The following TACC2 variants were observed in gnomAD, a reference collection of about 807,000 sequenced individuals.
The protein encoded by TACC2 is transforming acidic coiled-coil-containing protein 2.
In TACC2, 137 loss-of-function variants were observed where a neutral mutation model predicts 227.3. That is an observed-to-expected ratio of 0.60 (90% CI 0.52 to 0.69). TACC2 has a LOEUF of 0.69. Ranked by LOEUF, TACC2 falls within the 30% of genes least tolerant of loss-of-function variation. TACC2 has a pLI of 0.00. For synonymous variants in TACC2, 1,523 were observed against 1,487.5 expected, an observed-to-expected ratio of 1.02 and a Z score of -0.55; for missense variants, 3,470 against 3,694.4, an observed-to-expected ratio of 0.94 and a Z score of 1.57.
Position 122,249,674 on chromosome 10 carries a change from G to T in TACC2, c.8781+10G>T. ...GACGCTGGAGCAGAAGGTAATAGGG[G>T]AGGGGTGTGGCCTCCAGGTGGGCCG... On this transcript the variant is annotated intron_variant, in intron 22 of 22. Transcript: ENST00000369005. 6.2e-7 allele frequency: 1 copy of T among 1,609,148 alleles called. No individual in the cohort carries two copies. Among genetic ancestry groups the T allele is most frequent in the South Asian group, 1.1e-5 (1 of 90,696 alleles).
intron 7 of TACC2, among the ~76,000 whole-genome samples, chr10:122,175,352 GATA>G (rs1489174715): frequency 6.6e-6 from 1 of 152,138 alleles, no homozygotes; most frequent in East Asian, 1.9e-4. Context: ...TGTGGGAAAG[GATA>G]CATTGGTTAA....
chr10:122,078,122 G>C (rs767188350), intron 3 of TACC2, among the ~76,000 whole-genome samples: 4 of 149,348 alleles, frequency 2.7e-5, no homozygotes, highest in Non-Finnish European at 4.4e-5. Flanking sequence ...TTGAACTCAG[G>C]AGGTGGAGGT....
In TACC2 at chr10:122,194,921, T is replaced by C; in HGVS notation, c.5835-119T>C. 3 of 1,011,364 alleles carry C rather than the reference T, an allele frequency of 3.0e-6. No homozygotes were observed. Among genetic ancestry groups the C allele is most frequent in the Non-Finnish European group, 4.4e-6 (3 of 676,878 alleles). 62.6% of individuals were successfully genotyped at this position (1,011,364 alleles called of 1,614,324 possible). On this transcript the variant is annotated intron_variant, in intron 7 of 22. Transcript: ENST00000369005. The surrounding 1 kb of genome is among the most constrained non-coding windows in gnomAD (Gnocchi z 4.4). ...AAATGACTTTCCTCTCATCTGTCCC[T>C]GCACAGTTTAACTGAGCAGCGAGCC... is the stretch of plus-strand genomic sequence containing the variant.
At chr10:122,077,913 G>C (rs1399426762) in intron 3 of TACC2, among the ~76,000 whole-genome samples, 4 of 152,114 alleles carry the variant, frequency 2.6e-5, no homozygotes, top group Admixed American at 1.3e-4. Flanking sequence ...AAAGTGCCCA[G>C]GCCAGGCTCA....
intron 5 of TACC2, among the ~76,000 whole-genome samples, chr10:122,107,391 C>T (rs2082940255): frequency 6.6e-6 from 1 of 152,040 alleles, no homozygotes; most frequent in Non-Finnish European, 1.5e-5. Context: ...GAGTTCGAGA[C>T]CAGCCTGGCC....
intron 12 of TACC2, 36 bp downstream of exon 12, chr10:122,224,823 G>A (rs925745621): frequency 7.6e-6 from 12 of 1,575,320 alleles, no homozygotes; most frequent in East Asian, 6.7e-5. Flanking sequence ...TAGGGGACTC[G>A]CTTTCCTGCC....
In TACC2 at chr10:122,050,436, A is replaced by G. The variant is rs1259934977; in HGVS notation, c.34-2A>G. ...TTCCAATTTCTTTTTCTCCTGGCTC[A>G]GAGGACTTTATCAGCTCAGACTCCA... On this transcript the variant is annotated splice_acceptor_variant, in intron 2 of 22. Coordinates refer to ENST00000369005, the MANE Select transcript of TACC2 (RefSeq NM_206862.4). LOFTEE classifies it high-confidence loss of function. The surrounding 1 kb of genome is among the most constrained non-coding windows in gnomAD (Gnocchi z 4.6). 9.3e-6 allele frequency: 15 copies of G among 1,612,120 alleles called. No homozygotes were observed. Among genetic ancestry groups the G allele is most frequent in the East Asian group, 2.2e-5 (1 of 44,858 alleles).
rs1178728811 is a variant in TACC2 at position 122,025,580 on chromosome 10, A to AT, written c.33+3577dup. ...CCGGCCTATTATTTTTATTTATTTT[A>AT]TTTTTTTTTTTGAGATGGAGTCTTG... On this transcript the variant is annotated intron_variant, in intron 2 of 22. Transcript: ENST00000369005. Among the ~76,000 whole-genome samples, 592 of 84,692 alleles carry AT rather than the reference A, an allele frequency of 7.0e-3. 3 individuals are homozygous for AT. Among genetic ancestry groups the AT allele is most frequent in the African/African-American group, 0.023 (544 of 24,138 alleles). The allele number at this position is 84,692 out of a possible 152,430, so 55.6% of individuals were successfully genotyped here. A position where few individuals can be genotyped will look rare whatever the true frequency, so the allele number is the denominator to read the frequency against.
rs1363194500 is a variant in TACC2, at chr10:122,203,732, C to T, written c.5972-6665C>T. 1.8e-4 allele frequency among the ~76,000 whole-genome samples: 27 copies of T among 151,890 alleles called. No individual in the cohort carries two copies. In the East Asian group the frequency reaches 4.9e-3, roughly 28 times the overall value. On this transcript the variant is annotated intron_variant, in intron 8 of 22. Coordinates refer to ENST00000369005, the MANE Select transcript of TACC2 (RefSeq NM_206862.4). ...CAGTCGATGGGCGGCCAGGCAGAGA[C>T]GCTCCTCACTTCCCAGACGGGGTGG...
intron 3 of TACC2, among the ~76,000 whole-genome samples, chr10:122,072,947 A>G (rs909159960): frequency 6.6e-6 from 1 of 151,528 alleles, no homozygotes. Context: ...CCCTGACTCT[A>G]CTAAAAATAC....
intron 7 of TACC2, among the ~76,000 whole-genome samples, chr10:122,182,255 T>A (rs572436287): frequency 1.3e-5 from 2 of 152,230 alleles, no homozygotes; most frequent in African/African-American, 4.8e-5. Flanking sequence ...AATTTTTGGA[T>A]GCGTGAAATA....
chr10:122,195,442 C>A (rs1239698551), intron 8 of TACC2, among the ~76,000 whole-genome samples: 1 of 152,168 alleles, frequency 6.6e-6, no homozygotes, highest in Non-Finnish European at 1.5e-5. Flanking sequence ...CTCGGAAGTT[C>A]ACAGCACAGT....
chr10:122,060,532 A>G (rs2076677102), intron 3 of TACC2, among the ~76,000 whole-genome samples: 1 of 152,232 alleles, frequency 6.6e-6, no homozygotes, highest in African/African-American at 2.4e-5. Context: ...TGTACTATCT[A>G]AGGCTCTTTT....
rs957901458 is a variant in TACC2, at chr10:122,050,308, T to C, written c.34-130T>C. On this transcript the variant is annotated intron_variant, in intron 2 of 22. Transcript: ENST00000369005. This position sits in a 1 kb window ranked among gnomAD's most constrained non-coding sequence, Gnocchi z 4.6. The stretch of plus-strand genomic sequence containing the variant: ...CTCAGTGCCGCACATAGTAGGTGTT[T>C]CGTTGGACGGCAGAGCAAGTGAACA... 7.1e-6 allele frequency: 5 copies of C among 700,786 alleles called. No individual in the cohort carries two copies. The highest frequency in any genetic ancestry group is 2.5e-5 in the Admixed American group (1 of 39,862). 43.4% of individuals were successfully genotyped at this position (700,786 alleles called of 1,614,324 possible).
chr10:122,164,282 C>T (rs2093013565), intron 7 of TACC2, among the ~76,000 whole-genome samples: 1 of 152,212 alleles, frequency 6.6e-6, no homozygotes, highest in Non-Finnish European at 1.5e-5. Flanking sequence ...TCTGCACCCC[C>T]GGCACAGTGG....
chr10:122,244,721 T>C (rs1031193363), intron 19 of TACC2, among the ~76,000 whole-genome samples: 31 of 152,096 alleles, frequency 2.0e-4, no homozygotes, highest in African/African-American at 7.5e-4. Context: ...AGATTGGCAG[T>C]TCAGGACCAC....
chr10:122,150,652 G>A lies in TACC2; in HGVS notation c.5834+6946G>A, dbSNP rs1056062306. Among the ~76,000 whole-genome samples the A allele has an allele frequency of 6.6e-6, 1 of 152,172 alleles. No individual in the cohort carries two copies. The highest frequency in any genetic ancestry group is 2.4e-5 in the African/African-American group (1 of 41,444). Reference sequence around the variant, plus strand: ...AAGGGAGGCAGGGCCCAGGGAGGTGGGGTAGGATGGGATATGGTACGAGCA... The same window carrying A: ...AAGGGAGGCAGGGCCCAGGGAGGTGAGGTAGGATGGGATATGGTACGAGCA... On this transcript the variant is annotated intron_variant, in intron 7 of 22. Transcript: ENST00000369005. This position sits in a 1 kb window ranked among gnomAD's most constrained non-coding sequence, Gnocchi z 4.0.
At chr10:122,185,687 T>A (rs139340370) in intron 7 of TACC2, among the ~76,000 whole-genome samples, 175 of 152,342 alleles carry the variant, frequency 1.1e-3, no homozygotes, top group Non-Finnish European at 2.0e-3. Flanking sequence ...GTGCAAGCTC[T>A]GTGTCACATG....
Position 122,084,511 on chromosome 10 carries a change from C to T in TACC2, c.2011C>T (p.Pro671Ser), listed in dbSNP as rs1299114677. 4.3e-6 allele frequency: 7 copies of T among 1,613,338 alleles called. No homozygotes were observed. Among genetic ancestry groups the T allele is most frequent in the Admixed American group, 1.7e-5 (1 of 59,992 alleles). Residue 671 changes from proline (P) to serine (S), a missense_variant, in exon 4 of 23, where the codon CCC (proline) becomes TCC (serine). This residue lies in a region of TACC2 where 1,924 missense variants were observed against 1,978.3 expected (regional missense o/e 0.97). Transcript: ENST00000369005. ...HKLGEEDPVL[P>S]PVPDGAGEPT... ...GCTGGGTGAGGAGGACCCCGTCCTGCCCCCTGTGCCAGATGGAGCTGGTGA... is the reference window on the plus strand; with the variant it reads ...GCTGGGTGAGGAGGACCCCGTCCTGTCCCCTGTGCCAGATGGAGCTGGTGA...
Sources: gnomAD v4.1 joint callset for allele counts (sites outside exome capture counted in the v4.1 genomes callset) on GRCh38, gnomAD v4.1.1 for gene constraint, gnomAD v4.1.1 regional missense constraint, Gnocchi (gnomAD v3.1) non-coding constraint, MANE v1.5 for transcripts, NCBI Gene and HGNC (gene_info 2026-07-23, HGNC 2026-07-21) for gene names.